The following RNGTT variants were observed in gnomAD, a reference collection of about 807,000 sequenced individuals.
The protein encoded by RNGTT is RNA guanylyltransferase and 5'-phosphatase, also known as mRNA-capping enzyme.
Under a neutral mutation model 79.3 loss-of-function variants are expected in RNGTT, and 33 were observed. That is an observed-to-expected ratio of 0.42 (90% CI 0.32 to 0.56). RNGTT has a LOEUF of 0.56. Among genes scored for constraint, RNGTT ranks in the 20% least tolerant of loss-of-function variants. The pLI is 0.17. For missense variants in RNGTT, 497 were observed against 739.1 expected, an observed-to-expected ratio of 0.67 and a Z score of 3.80; for synonymous variants, 222 against 235.9, an observed-to-expected ratio of 0.94 and a Z score of 0.54.
At chr6:88,834,773 T>C (rs114942286) in intron 11 of RNGTT, among the ~76,000 whole-genome samples, 2,920 of 152,226 alleles carry the variant, frequency 0.019, 83 homozygotes, top group African/African-American at 0.067. Context: ...TAAGAACTTA[T>C]AAATTTATAT....
chr6:88,956,481 C>T (rs1785435236), intron 1 of RNGTT, among the ~76,000 whole-genome samples: 1 of 152,132 alleles, frequency 6.6e-6, no homozygotes, highest in Admixed American at 6.5e-5. Context: ...AGAATTGCTA[C>T]CAATCTTACT....
At chr6:88,938,172 T>C (rs1015066803) in intron 2 of RNGTT, among the ~76,000 whole-genome samples, 3 of 152,202 alleles carry the variant, frequency 2.0e-5, no homozygotes, top group African/African-American at 7.2e-5. Context: ...GTATCTCCAT[T>C]TAGATATAAT....
intron 13 of RNGTT, among the ~76,000 whole-genome samples, chr6:88,691,481 G>A (rs139511751): frequency 3.1e-4 from 47 of 152,216 alleles, no homozygotes; most frequent in Non-Finnish European, 5.3e-4. Flanking sequence ...TCAAAATCAC[G>A]CAACAGCAAA....
At chr6:88,923,016 T>C (rs1784211221) in intron 4 of RNGTT, among the ~76,000 whole-genome samples, 1 of 152,212 alleles carries the variant, frequency 6.6e-6, no homozygotes, top group African/African-American at 2.4e-5. Context: ...GTCTTGTAAA[T>C]TGATAGTTAA....
intron 13 of RNGTT, among the ~76,000 whole-genome samples, chr6:88,766,930 C>A (rs1264527313): frequency 6.6e-6 from 1 of 152,032 alleles, no homozygotes; most frequent in African/African-American, 2.4e-5. Flanking sequence ...TAGCTACTCC[C>A]CTTTCGAACT....
chr6:88,714,855 T>C (rs1413278974), intron 13 of RNGTT, among the ~76,000 whole-genome samples: 1 of 152,122 alleles, frequency 6.6e-6, no homozygotes, highest in African/African-American at 2.4e-5. Flanking sequence ...CCACAGCCAA[T>C]ATCATACTGA....
intron 13 of RNGTT, among the ~76,000 whole-genome samples, chr6:88,695,581 A>G (rs926713802): frequency 3.9e-5 from 6 of 152,164 alleles, no homozygotes; most frequent in Admixed American, 3.9e-4. Flanking sequence ...CATATGGAAA[A>G]CTATATAGAG....
At chr6:88,800,384 A>G (rs560173205) in intron 12 of RNGTT, among the ~76,000 whole-genome samples, 173 of 152,302 alleles carry the variant, frequency 1.1e-3, no homozygotes, top group African/African-American at 4.0e-3. Flanking sequence ...CAGTCTTTGA[A>G]TTAGAGATAC....
intron 13 of RNGTT, among the ~76,000 whole-genome samples, chr6:88,683,291 G>A (rs1249370788): frequency 2.0e-5 from 3 of 152,004 alleles, no homozygotes; most frequent in Non-Finnish European, 4.4e-5. Context: ...CAGCCTAAAT[G>A]TAGTAATAAA....
chr6:88,671,277 T>A (rs1259731251), intron 14 of RNGTT, among the ~76,000 whole-genome samples: 1 of 152,158 alleles, frequency 6.6e-6, no homozygotes, highest in Non-Finnish European at 1.5e-5. Flanking sequence ...AAAACTAATG[T>A]ACACAAATCA....
At chr6:88,789,569 GATA>G (rs1779338697) in intron 12 of RNGTT, among the ~76,000 whole-genome samples, 1 of 152,080 alleles carries the variant, frequency 6.6e-6, no homozygotes, top group Non-Finnish European at 1.5e-5. Context: ...CAAATATGTA[GATA>G]TCTATAGATA....
At chr6:88,904,092 G>A (rs1783564392) in intron 6 of RNGTT, among the ~76,000 whole-genome samples, 1 of 152,098 alleles carries the variant, frequency 6.6e-6, no homozygotes. Flanking sequence ...TAAAGCATTA[G>A]TAAAAATATT....
chr6:88,675,895 G>A (rs1256876902), intron 14 of RNGTT, among the ~76,000 whole-genome samples: 2 of 152,076 alleles, frequency 1.3e-5, no homozygotes, highest in African/African-American at 2.4e-5. Flanking sequence ...TGAAAGCAAC[G>A]AAATATTGCT....
rs1282372934 is a variant in RNGTT at position 88,698,191 on chromosome 6, A to T, written c.1440-19772T>A. On this transcript the variant is annotated intron_variant, in intron 13 of 15. Transcript: ENST00000369485. ...TGACATATATATGATATATATATGA[A>T]ATATATATGATATATATGAAATATA... 7.7e-5 allele frequency among the ~76,000 whole-genome samples: 8 copies of T among 103,924 alleles called. 1 individual carries two copies. The highest frequency in any genetic ancestry group is 1.4e-4 in the Non-Finnish European group (8 of 58,276). 68.2% of individuals were successfully genotyped at this position (103,924 alleles called of 152,430 possible). A position where few individuals can be genotyped will look rare whatever the true frequency, so the allele number is the denominator to read the frequency against.
intron 11 of RNGTT, among the ~76,000 whole-genome samples, chr6:88,826,865 T>C (rs1780684177): frequency 6.8e-6 from 1 of 146,948 alleles, no homozygotes; most frequent in South Asian, 2.1e-4. Context: ...TATATATATA[T>C]ATATAATATA....
At chr6:88,763,506 G>T (rs1051954783) in intron 13 of RNGTT, among the ~76,000 whole-genome samples, 8 of 152,132 alleles carry the variant, frequency 5.3e-5, no homozygotes, top group Non-Finnish European at 1.0e-4. Flanking sequence ...ACATCCATGT[G>T]TAAGGACTCC....
chr6:88,813,304 G>A (rs1483331827), intron 11 of RNGTT, among the ~76,000 whole-genome samples: 1 of 152,116 alleles, frequency 6.6e-6, no homozygotes, highest in Non-Finnish European at 1.5e-5. Context: ...CCATGAGGTA[G>A]TATGAATAAA....
intron 8 of RNGTT, among the ~76,000 whole-genome samples, chr6:88,885,324 G>C (rs897343226): frequency 5.3e-5 from 8 of 152,224 alleles, no homozygotes; most frequent in African/African-American, 1.9e-4. Flanking sequence ...AAACAAGAAA[G>C]TACTCAAAAA....
At chr6:88,703,773 T>C (rs1224170989) in intron 13 of RNGTT, among the ~76,000 whole-genome samples, 1 of 152,224 alleles carries the variant, frequency 6.6e-6, no homozygotes, top group African/African-American at 2.4e-5. Context: ...GATGAACCAC[T>C]TTATCTGGAA....
Sources: allele counts gnomAD v4.1 joint callset (sites outside exome capture counted in the v4.1 genomes callset), GRCh38; gene constraint gnomAD v4.1.1; transcripts MANE v1.5; gene names NCBI Gene and HGNC (gene_info 2026-07-23, HGNC 2026-07-21).